SRRT: variants seen among roughly 807,000 people sequenced by gnomAD.
The protein encoded by SRRT is serrate RNA effector molecule homolog.
Under a neutral mutation model 103.2 loss-of-function variants are expected in SRRT, and 32 were observed. The ratio of observed to expected loss-of-function variants is 0.31; its 90% CI spans 0.23 to 0.42. SRRT has a LOEUF of 0.42. SRRT is among the 10% of genes least tolerant of loss of function. SRRT has a pLI of 1.00. For missense variants in SRRT, 986 were observed against 1,207.5 expected (o/e 0.82, Z 2.72); for synonymous variants, 525 against 449.0 (o/e 1.17, Z -2.14).
chr7:100,882,815 C>G lies in SRRT; in HGVS notation c.587+574C>G, dbSNP rs1789705471. ...TCATCGACGGAGCTCGGAGCAAACC[C>G]ACCTCCACCCCCACCATACCCAGCC... On this transcript the variant is annotated intron_variant, in intron 5 of 19. Coordinates refer to ENST00000611405, the MANE Select transcript of SRRT (RefSeq NM_015908.6). The surrounding 1 kb of genome is among the most constrained non-coding windows in gnomAD (Gnocchi z 4.2). The G allele has an allele frequency of 6.5e-6, 1 of 154,166 alleles. No individual in the cohort carries two copies. The highest frequency in any genetic ancestry group is 6.5e-5 in the Admixed American group (1 of 15,438). The allele number at this position is 154,166 out of a possible 1,614,324, so 9.5% of individuals were successfully genotyped here.
rs370009003 is a variant in SRRT at position 100,882,278 on chromosome 7, A to G, written c.587+37A>G. 1 of 1,602,912 alleles carries G rather than the reference A, an allele frequency of 6.2e-7. No individual in the cohort carries two copies. Among genetic ancestry groups the G allele is most frequent in the South Asian group, 1.1e-5 (1 of 89,748 alleles). ...TACTTCCCTGGACCTCTGCCCTGGC[A>G]TGTCCCCCTGGCCCCGCTGGTGGAG... On this transcript the variant is annotated intron_variant, in intron 5 of 19. Transcript: ENST00000611405. The surrounding 1 kb of genome is among the most constrained non-coding windows in gnomAD (Gnocchi z 4.2).
chr7:100,887,828 C>G lies in SRRT; in HGVS notation c.2295C>G (p.Ile765Met), dbSNP rs777779204. Residue 765 changes from isoleucine (I) to methionine (M), a missense_variant, in exon 17 of 20, where the codon ATC becomes ATG. Ile to Met is a conservative substitution (Grantham distance 10). Transcript: ENST00000611405. This position sits in a 1 kb window ranked among gnomAD's most constrained non-coding sequence, Gnocchi z 4.1. ...CTAAGCGCCCAGCTCTGCCTGAGATCAAGCCAGCCCAGCCACCTGGCCCCG... is the reference window on the plus strand; with the variant it reads ...CTAAGCGCCCAGCTCTGCCTGAGATGAAGCCAGCCCAGCCACCTGGCCCCG... Reference protein sequence around the residue: ...TDAKRPALPEIKPAQPPGPAQ... With the variant: ...TDAKRPALPEMKPAQPPGPAQ... The G allele has an allele frequency of 6.2e-7, 1 of 1,608,096 alleles. No homozygotes were observed. The highest frequency in any genetic ancestry group is 1.3e-5 in the African/African-American group (1 of 74,838).
chr7:100,875,358 C>G (rs547026893), intron 1 of SRRT, 30 bp downstream of exon 1: 2 of 1,293,846 alleles, frequency 1.5e-6, no homozygotes, highest in African/African-American at 3.0e-5. Context: ...TGGGGGGCCC[C>G]GCTGGGGCGG....
At chr7:100,875,762 C>G (rs1180627566) in intron 2 of SRRT, 50 bp downstream of exon 2, 1 of 1,604,960 alleles carries the variant, frequency 6.2e-7, no homozygotes, top group African/African-American at 1.3e-5. Flanking sequence ...CGTTTCACTC[C>G]ACCCGCGTCG....
chr7:100,887,609 CT>C lies in SRRT; in HGVS notation c.2170-93del. ...AGGGGTGGGGGAACTGCTTACTGCA[CT>C]GGCAGGCGGGAGCTGGGAATCCTTC... On this transcript the variant is annotated intron_variant, in intron 16 of 19. Transcript: ENST00000611405. The surrounding 1 kb of genome is among the most constrained non-coding windows in gnomAD (Gnocchi z 4.1). 1 of 1,577,598 alleles carries C rather than the reference CT, an allele frequency of 6.3e-7. No homozygotes were observed. The highest frequency in any genetic ancestry group is 8.6e-7 in the Non-Finnish European group (1 of 1,157,972).
Position 100,885,858 on chromosome 7 carries a change from T to G in SRRT, c.1380-5T>G. 6.2e-7 allele frequency: 1 copy of G among 1,614,128 alleles called. No homozygotes were observed. The highest frequency in any genetic ancestry group is 8.5e-7 in the Non-Finnish European group (1 of 1,180,022). The stretch of plus-strand genomic sequence containing the variant: ...GACTATGCTAACATTTTCTTTCTTG[T>G]GTAGGTTTTTCCGTCGTGGCTGGGT... On this transcript the variant is annotated splice_region_variant and splice_polypyrimidine_tract_variant and intron_variant, in intron 11 of 19. Transcript: ENST00000611405. This position sits in a 1 kb window ranked among gnomAD's most constrained non-coding sequence, Gnocchi z 4.8.
rs372151414 is a variant in SRRT, at chr7:100,882,251, C to T, written c.587+10C>T. 62 of 1,612,418 alleles carry T rather than the reference C, an allele frequency of 3.8e-5. No homozygotes were observed. The highest frequency in any genetic ancestry group is 4.7e-5 in the Non-Finnish European group (55 of 1,179,020). On this transcript the variant is annotated intron_variant, in intron 5 of 19. Coordinates refer to ENST00000611405, the MANE Select transcript of SRRT (RefSeq NM_015908.6). This position sits in a 1 kb window ranked among gnomAD's most constrained non-coding sequence, Gnocchi z 4.2. ...ACAAAGATGAGGAGTGGTGAGTGCC[C>T]CTACTTCCCTGGACCTCTGCCCTGG...
In SRRT at chr7:100,885,410, G is replaced by T. The variant is rs1167449451; in HGVS notation, c.1317+40G>T. On this transcript the variant is annotated intron_variant, in intron 10 of 19. Transcript: ENST00000611405. The surrounding 1 kb of genome is among the most constrained non-coding windows in gnomAD (Gnocchi z 4.8). The stretch of plus-strand genomic sequence containing the variant: ...GTGGAGTCAGGGCAGGGCTGATGGA[G>T]AAGTGGAGGGTAGAGGGAAGGCAGT... 4.4e-6 allele frequency: 7 copies of T among 1,590,732 alleles called. No homozygotes were observed. The Admixed American group carries it at 1.0e-4, about 23-fold the overall frequency.
rs199830208 is a variant in SRRT, at chr7:100,887,667, T to A, written c.2170-36T>A. Reference sequence around the variant, plus strand: ...GGGCCTGGGAGCGAGGCAACCCTTATGTGGCTGTCCTGACCCCTCTCCTCT... The same window carrying A: ...GGGCCTGGGAGCGAGGCAACCCTTAAGTGGCTGTCCTGACCCCTCTCCTCT... On this transcript the variant is annotated intron_variant, in intron 16 of 19. Coordinates refer to ENST00000611405, the MANE Select transcript of SRRT (RefSeq NM_015908.6). This position sits in a 1 kb window ranked among gnomAD's most constrained non-coding sequence, Gnocchi z 4.1. 4.4e-6 allele frequency: 7 copies of A among 1,593,502 alleles called. No individual in the cohort carries two copies. The highest frequency in any genetic ancestry group is 6.0e-6 in the Non-Finnish European group (7 of 1,164,908).
Position 100,886,785 on chromosome 7 carries a change from C to T in SRRT, c.1648-10C>T, listed in dbSNP as rs1790163118. 4 of 1,613,848 alleles carry T rather than the reference C, an allele frequency of 2.5e-6. No individual in the cohort carries two copies. The highest frequency in any genetic ancestry group is 3.3e-5 in the Admixed American group (2 of 59,974). ...TTCTCTGCCTTACTTGCTTCTCTTCCTCCCATCAGAGCCTGCCCTCGCAAA... is the reference window on the plus strand; with the variant it reads ...TTCTCTGCCTTACTTGCTTCTCTTCTTCCCATCAGAGCCTGCCCTCGCAAA... On this transcript the variant is annotated splice_polypyrimidine_tract_variant and intron_variant, in intron 13 of 19. Transcript: ENST00000611405.
chr7:100,886,211 A>G (rs760328108), intron 12 of SRRT, 36 bp from the exon 13 acceptor site: 1 of 1,594,292 alleles, frequency 6.3e-7, no homozygotes. Flanking sequence ...CAAGCGGGGT[A>G]AGTGGGGTAA....
Position 100,887,555 on chromosome 7 carries a change from G to A in SRRT, c.2169+42G>A, listed in dbSNP as rs890713046. On this transcript the variant is annotated intron_variant, in intron 16 of 19. Coordinates refer to ENST00000611405, the MANE Select transcript of SRRT (RefSeq NM_015908.6). This position sits in a 1 kb window ranked among gnomAD's most constrained non-coding sequence, Gnocchi z 4.1. ...AATGGCCGTGCTACGGTGGTGGGAG[G>A]TGGGGTTGAGACAGGAAGCCCCCTG... The A allele has an allele frequency of 1.9e-6, 3 of 1,603,000 alleles. No individual in the cohort carries two copies. The highest frequency in any genetic ancestry group is 2.2e-5 in the East Asian group (1 of 44,744).
At position 100,884,429 on chromosome 7, in the gene SRRT, G is replaced by A; in HGVS notation, c.819G>A (p.Glu273=). The A allele has an allele frequency of 1.9e-6, 3 of 1,613,684 alleles. No individual in the cohort carries two copies. Among genetic ancestry groups the A allele is most frequent in the Non-Finnish European group, 2.5e-6 (3 of 1,179,744 alleles). The change falls in exon 7 of 20, where the codon GAG becomes GAA. Residue 273 remains glutamate, a synonymous_variant. Coordinates refer to ENST00000611405, the MANE Select transcript of SRRT (RefSeq NM_015908.6). ...TTCGCATCCTGGAGCAGGAGGAGGAGGAGGAGCAGGCAGGAAAGCCTGGGG... is the reference window on the plus strand; with the variant it reads ...TTCGCATCCTGGAGCAGGAGGAGGAAGAGGAGCAGGCAGGAAAGCCTGGGG... The part of the protein sequence containing the change: ...NDLRILEQEE[E]EEQAGKPGEP...
At chr7:100,875,827 A>G in intron 2 of SRRT, 115 bp downstream of exon 2, 5 of 1,359,344 alleles carry the variant, frequency 3.7e-6, no homozygotes, top group Non-Finnish European at 2.1e-6. Context: ...GAAATGGCTC[A>G]TTGGACCGTT....
chr7:100,884,669 TG>T, intron 7 of SRRT, 70 bp from the exon 8 acceptor site: 2 of 762,996 alleles, frequency 2.6e-6, no homozygotes, highest in Non-Finnish European at 3.8e-6. Flanking sequence ...GCCTCAGCTG[TG>T]GGGGTGGGGG....
At position 100,886,334 on chromosome 7, in the gene SRRT, A is replaced by G; in HGVS notation, c.1546A>G (p.Ile516Val). Residue 516 changes from isoleucine (I) to valine (V), a missense_variant, in exon 13 of 20, where the codon ATT (isoleucine) becomes GTT (valine). Transcript: ENST00000611405. Reference sequence around the variant, plus strand: ...CAACGGCATCACCCAGCACAAGCAGATTGTGCGCAACGACATCAAGCTGGC... The same window carrying G: ...CAACGGCATCACCCAGCACAAGCAGGTTGTGCGCAACGACATCAAGCTGGC... ...NINGITQHKQIVRNDIKLAAK... is the reference protein window; with the variant it reads ...NINGITQHKQVVRNDIKLAAK... 1.2e-6 allele frequency: 2 copies of G among 1,613,828 alleles called. No homozygotes were observed. Among genetic ancestry groups the G allele is most frequent in the Non-Finnish European group, 1.7e-6 (2 of 1,180,000 alleles).
At chr7:100,877,975 G>T (rs1220642786) in intron 2 of SRRT, among the ~76,000 whole-genome samples, 2 of 152,220 alleles carry the variant, frequency 1.3e-5, no homozygotes, top group East Asian at 3.8e-4. Flanking sequence ...AGTGTAAGCT[G>T]TTGGTATTTG....
At position 100,886,687 on chromosome 7, in the gene SRRT, A is replaced by G; in HGVS notation, c.1648-108A>G. On this transcript the variant is annotated intron_variant, in intron 13 of 19. Coordinates refer to ENST00000611405, the MANE Select transcript of SRRT (RefSeq NM_015908.6). ...CTCAAGGGGGCAAAAGGTGCCATTT[A>G]TGTCCGGTGAACTCCTGTCCCCTCG... The G allele has an allele frequency of 3.1e-6, 4 of 1,294,902 alleles. No homozygotes were observed. In the South Asian group the frequency reaches 3.8e-5, roughly 12 times the overall value. 80.2% of individuals were successfully genotyped at this position (1,294,902 alleles called of 1,614,324 possible).
intron 1 of SRRT, 52 bp downstream of exon 1, chr7:100,875,380 G>T: frequency 1.5e-6 from 2 of 1,337,636 alleles, no homozygotes; most frequent in East Asian, 3.0e-5. Flanking sequence ...AGAGGAACCG[G>T]GGTCCACGGG....
Sources: allele counts gnomAD v4.1 joint callset (sites outside exome capture counted in the v4.1 genomes callset), GRCh38; gene constraint gnomAD v4.1.1; non-coding constraint Gnocchi (gnomAD v3.1); transcripts MANE v1.5; gene names NCBI Gene and HGNC (gene_info 2026-07-23, HGNC 2026-07-21).